The following LRRIQ3 variants were observed in gnomAD, a reference collection of about 807,000 sequenced individuals.
LRRIQ3 encodes leucine rich repeats and IQ motif containing 3, also known as leucine-rich repeat and IQ domain-containing protein 3.
A neutral mutation model predicts 59.3 loss-of-function variants in LRRIQ3; 75 were observed. That is an observed-to-expected ratio of 1.26 (90% CI 1.05 to 1.53). The LOEUF (loss-of-function observed/expected upper bound fraction) is 1.53. Among genes scored for constraint, LRRIQ3 ranks in the 40% most tolerant of loss-of-function variants. The pLI is 0.00. For missense variants in LRRIQ3, 831 were observed against 710.0 expected (o/e 1.17, Z -1.94); for synonymous variants, 250 against 231.3 (o/e 1.08, Z -0.73).
chr1:74,117,931 T>A (rs1646799690), intron 4 of LRRIQ3, among the ~76,000 whole-genome samples: 1 of 152,004 alleles, frequency 6.6e-6, no homozygotes, highest in Non-Finnish European at 1.5e-5. Flanking sequence ...CAGGGTTTTG[T>A]CCCTATCTTT....
chr1:74,091,799 C>A (rs1002046308), intron 5 of LRRIQ3, among the ~76,000 whole-genome samples: 1 of 152,016 alleles, frequency 6.6e-6, no homozygotes, highest in African/African-American at 2.4e-5. Context: ...CATTCTACCT[C>A]CATTAAATAC....
At chr1:74,030,804 T>C (rs1295719906) in intron 7 of LRRIQ3, among the ~76,000 whole-genome samples, 1 of 152,158 alleles carries the variant, frequency 6.6e-6, no homozygotes, top group Non-Finnish European at 1.5e-5. Context: ...CAAAAGAAAC[T>C]ACCATCAGAA....
intron 6 of LRRIQ3, among the ~76,000 whole-genome samples, chr1:74,064,561 G>C (rs1324256407): frequency 8.6e-5 from 13 of 151,976 alleles, no homozygotes; most frequent in African/African-American, 2.9e-4. Flanking sequence ...TCAACTCATG[G>C]AACTTTCTTT....
chr1:74,184,807 T>C (rs929051382), intron 1 of LRRIQ3, among the ~76,000 whole-genome samples: 1 of 152,140 alleles, frequency 6.6e-6, no homozygotes, highest in South Asian at 2.1e-4. Flanking sequence ...TAGAGTCAGA[T>C]ATGGAATACA....
intron 3 of LRRIQ3, among the ~76,000 whole-genome samples, chr1:74,168,124 C>CTA (rs1311167635): frequency 6.6e-6 from 1 of 151,846 alleles, no homozygotes; most frequent in Non-Finnish European, 1.5e-5. Context: ...CTCGTATTTT[C>CTA]TATATATATC....
intron 5 of LRRIQ3, among the ~76,000 whole-genome samples, chr1:74,085,913 T>A (rs1646323268): frequency 6.6e-6 from 1 of 152,030 alleles, no homozygotes; most frequent in African/African-American, 2.4e-5. Flanking sequence ...AATAATGGAA[T>A]CTCTCACAAT....
At chr1:74,089,381 A>T (rs1242241677) in intron 5 of LRRIQ3, among the ~76,000 whole-genome samples, 1 of 152,080 alleles carries the variant, frequency 6.6e-6, no homozygotes, top group Non-Finnish European at 1.5e-5. Context: ...GCATAGTTAA[A>T]AATATCCATA....
chr1:74,043,949 A>G (rs1654123366), intron 6 of LRRIQ3, among the ~76,000 whole-genome samples: 1 of 152,050 alleles, frequency 6.6e-6, no homozygotes, highest in South Asian at 2.1e-4. Flanking sequence ...TGTTTTTCTT[A>G]TCTGTATCTG....
chr1:74,110,504 T>C (rs996195079), intron 4 of LRRIQ3, among the ~76,000 whole-genome samples: 6 of 152,048 alleles, frequency 3.9e-5, no homozygotes, highest in Admixed American at 3.9e-4. Context: ...TAGAAAAATC[T>C]TTGTAAAACA....
intron 6 of LRRIQ3, among the ~76,000 whole-genome samples, chr1:74,047,751 G>T (rs116367839): frequency 6.6e-6 from 1 of 151,904 alleles, no homozygotes; most frequent in Non-Finnish European, 1.5e-5. Context: ...CCTCCAGAAT[G>T]ATTTTAAAAA....
intron 4 of LRRIQ3, among the ~76,000 whole-genome samples, chr1:74,134,372 A>G (rs1647084194): frequency 6.6e-6 from 1 of 152,044 alleles, no homozygotes; most frequent in Admixed American, 6.6e-5. Context: ...TTCTACCTAC[A>G]TGGTGCAAAG....
At chr1:74,095,832 A>G (rs1646442666) in intron 5 of LRRIQ3, among the ~76,000 whole-genome samples, 1 of 152,100 alleles carries the variant, frequency 6.6e-6, no homozygotes, top group Non-Finnish European at 1.5e-5. Context: ...ATATTTAAAA[A>G]GAAATGATAA....
intron 4 of LRRIQ3, among the ~76,000 whole-genome samples, chr1:74,140,183 T>C (rs1161350355): frequency 6.6e-6 from 1 of 151,750 alleles, no homozygotes; most frequent in Non-Finnish European, 1.5e-5. Context: ...ATGAGCTAGA[T>C]AGACAGATAA....
intron 6 of LRRIQ3, chr1:74,050,552 A>G: frequency 1.0e-6 from 1 of 985,404 alleles, no homozygotes; most frequent in Non-Finnish European, 1.2e-6. Flanking sequence ...TTCTGAACGT[A>G]TTGCAGATTT....
chr1:74,131,773 C>T (rs1346507260), intron 4 of LRRIQ3, among the ~76,000 whole-genome samples: 1 of 152,160 alleles, frequency 6.6e-6, no homozygotes, highest in Non-Finnish European at 1.5e-5. Flanking sequence ...CAATATCATA[C>T]TGAATGGGCA....
intron 1 of LRRIQ3, among the ~76,000 whole-genome samples, chr1:74,196,199 C>A (rs990434037): frequency 6.6e-6 from 1 of 151,902 alleles, no homozygotes; most frequent in African/African-American, 2.4e-5. Flanking sequence ...TGTATGATAC[C>A]GTCCTAGATC....
At chr1:74,190,085 C>T (rs1465639701) in intron 1 of LRRIQ3, among the ~76,000 whole-genome samples, 1 of 152,084 alleles carries the variant, frequency 6.6e-6, no homozygotes, top group Non-Finnish European at 1.5e-5. Flanking sequence ...AAATCAACAA[C>T]TTTTCTTAGC....
Position 74,118,963 on chromosome 1 carries a change from T to C in LRRIQ3, c.708-9410A>G, listed in dbSNP as rs76960406. 7.2e-3 allele frequency among the ~76,000 whole-genome samples: 1,102 copies of C among 152,230 alleles called. 13 individuals carry two copies. The highest frequency in any genetic ancestry group is 0.026 in the African/African-American group (1,065 of 41,544). On this transcript the variant is annotated intron_variant, in intron 4 of 7. Coordinates refer to ENST00000354431, the MANE Select transcript of LRRIQ3 (RefSeq NM_001105659.2). ...ACCCACATTATGGAGGGTAATATGC[T>C]TCACTCAAAGTCTACAAATTTAAAT... is the stretch of plus-strand genomic sequence containing the variant.
intron 3 of LRRIQ3, among the ~76,000 whole-genome samples, chr1:74,162,761 T>C (rs1390880719): frequency 6.6e-6 from 1 of 151,754 alleles, no homozygotes; most frequent in Non-Finnish European, 1.5e-5. Flanking sequence ...TCTTTTTCTA[T>C]TTTATTTGTG....
Sources: gnomAD v4.1 joint callset for allele counts (sites outside exome capture counted in the v4.1 genomes callset) on GRCh38, gnomAD v4.1.1 for gene constraint, MANE v1.5 for transcripts, NCBI Gene and HGNC (gene_info 2026-07-23, HGNC 2026-07-21) for gene names.